The following SESN1 variants were observed in gnomAD, a reference collection of about 807,000 sequenced individuals.
SESN1 encodes the protein sestrin 1.
In SESN1, 30 loss-of-function variants were observed where a neutral mutation model predicts 59.3. The observed-to-expected ratio is 0.51, with a 90% CI of 0.38 to 0.69. SESN1 has a LOEUF of 0.69. Among genes scored for constraint, SESN1 ranks in the 30% least tolerant of loss-of-function variants. SESN1 has a pLI of 0.00. For missense variants in SESN1, 566 were observed against 673.0 expected, an observed-to-expected ratio of 0.84 and a Z score of 1.76; for synonymous variants, 197 against 219.9, an observed-to-expected ratio of 0.90 and a Z score of 0.92.
At chr6:109,068,663 A>G (rs1430719495) in intron 1 of SESN1, among the ~76,000 whole-genome samples, 4 of 152,254 alleles carry the variant, frequency 2.6e-5, no homozygotes, top group African/African-American at 9.6e-5. Flanking sequence ...TATATTGAAA[A>G]GACCCAAGCA....
Position 109,093,814 on chromosome 6 carries a change from A to C in SESN1, c.260T>G (p.Phe87Cys), listed in dbSNP as rs2114490011. 6.2e-7 allele frequency: 1 copy of C among 1,613,986 alleles called. No individual in the cohort carries two copies. Residue 87 changes from phenylalanine to cysteine, a missense_variant, in exon 1 of 10, where the codon TTT (phenylalanine) becomes TGT (cysteine). Transcript: ENST00000436639. ...PFKDVREKSE[F>C]ILKSIQELGI... ...CCTTACCTGGATGCTCTTCAGAATA[A>C]ACTCACTTTTCTCTCTCACATCTTT...
chr6:109,075,773 G>C (rs1781021832), intron 1 of SESN1, among the ~76,000 whole-genome samples: 1 of 152,154 alleles, frequency 6.6e-6, no homozygotes, highest in African/African-American at 2.4e-5. Flanking sequence ...TGAAATAATA[G>C]TTGTGTGTTG....
At chr6:109,075,181 C>T (rs1781012452) in intron 1 of SESN1, among the ~76,000 whole-genome samples, 1 of 152,182 alleles carries the variant, frequency 6.6e-6, no homozygotes, top group Admixed American at 6.5e-5. Flanking sequence ...TAAGCATATA[C>T]CCTAAATCAC....
At chr6:109,037,619 T>C (rs1048044050) in intron 1 of SESN1, among the ~76,000 whole-genome samples, 5 of 152,204 alleles carry the variant, frequency 3.3e-5, no homozygotes, top group African/African-American at 1.2e-4. Flanking sequence ...TTTAATTCTA[T>C]AGATGAAGAA....
At chr6:109,035,705 A>T (rs1055580129) in intron 1 of SESN1, among the ~76,000 whole-genome samples, 1 of 152,090 alleles carries the variant, frequency 6.6e-6, no homozygotes, top group African/African-American at 2.4e-5. Context: ...GGCTTAAGTG[A>T]TCCTCCCACC....
At chr6:109,078,363 T>C (rs1385736885) in intron 1 of SESN1, among the ~76,000 whole-genome samples, 2 of 152,050 alleles carry the variant, frequency 1.3e-5, no homozygotes, top group South Asian at 2.1e-4. Context: ...GCCTGGGTGA[T>C]GGAGTAAGAC....
chr6:109,013,834 C>T (rs1241677509), intron 1 of SESN1, among the ~76,000 whole-genome samples: 1 of 152,174 alleles, frequency 6.6e-6, no homozygotes, highest in Non-Finnish European at 1.5e-5. Context: ...GTTTATAAGA[C>T]TACTTCTGCT....
At chr6:109,051,702 T>C (rs1038820191) in intron 1 of SESN1, among the ~76,000 whole-genome samples, 1 of 152,226 alleles carries the variant, frequency 6.6e-6, no homozygotes, top group Non-Finnish European at 1.5e-5. Flanking sequence ...ACAGAATACC[T>C]GAGACTGGGT....
At position 108,984,917 on chromosome 6, in the gene SESN1, A is replaced by G. The variant is rs190763999; in HGVS notation, c.*2627T>C. Among the ~76,000 whole-genome samples the G allele has an allele frequency of 9.2e-5, 14 of 152,222 alleles. No individual in the cohort carries two copies. The East Asian group carries it at 2.5e-3, about 27-fold the overall frequency. ...TGCTGCAGTTTCCCAATTGGTTTCT[A>G]GAGTTCTCACAAAGATATTCTGGCC... is the stretch of plus-strand genomic sequence containing the variant. On this transcript the variant is annotated 3_prime_UTR_variant, in exon 10 of 10. Coordinates refer to ENST00000436639, the MANE Select transcript of SESN1 (RefSeq NM_014454.3).
intron 1 of SESN1, among the ~76,000 whole-genome samples, chr6:109,087,819 G>A (rs961955201): frequency 6.6e-6 from 1 of 152,042 alleles, no homozygotes; most frequent in African/African-American, 2.4e-5. Context: ...AATCTAATCG[G>A]ATCCAAATTA....
At position 108,994,558 on chromosome 6, in the gene SESN1, A is replaced by T. The variant is rs75780557; in HGVS notation, c.1024T>A (p.Leu342Ile). ...TCTTCTTCATCTCGACATTCCTGTA[A>T]CTGCCTCATCTTTTCCATGAGGGCT... ...VEALMEKMRQ[L>I]QECRDEEEAS... The change falls in exon 6 of 10, where the codon TTA (leucine) becomes ATA (isoleucine). Residue 342 changes from leucine (L) to isoleucine (I), a missense_variant. Physicochemically the swap from Leu to Ile is conservative, Grantham distance 5. Coordinates refer to ENST00000436639, the MANE Select transcript of SESN1 (RefSeq NM_014454.3). 5 of 1,613,620 alleles carry T rather than the reference A, an allele frequency of 3.1e-6. No individual in the cohort carries two copies. The highest frequency in any genetic ancestry group is 4.2e-6 in the Non-Finnish European group (5 of 1,179,834).
intron 2 of SESN1, among the ~76,000 whole-genome samples, chr6:109,001,978 GT>G (rs2114309772): frequency 6.6e-6 from 1 of 152,262 alleles, no homozygotes; most frequent in African/African-American, 2.4e-5. Flanking sequence ...AGTAACTCAG[GT>G]TATGGGCACA....
rs1781411440 is a variant in SESN1, at chr6:109,094,036, A to G, written c.38T>C (p.Leu13Pro). 1 of 1,614,100 alleles carries G rather than the reference A, an allele frequency of 6.2e-7. No homozygotes were observed. The highest frequency in any genetic ancestry group is 8.5e-7 in the Non-Finnish European group (1 of 1,179,974). The change falls in exon 1 of 10, where the codon CTC (leucine) becomes CCC (proline). Residue 13 changes from leucine to proline, a missense_variant. Physicochemically the swap from Leu to Pro is moderately conservative, Grantham distance 98 (BLOSUM62 -3). Coordinates refer to ENST00000436639, the MANE Select transcript of SESN1 (RefSeq NM_014454.3). ...CCTAGTAGTTGAATCTCTGCTGCAG[A>G]GTCCATCCCATCTCACTTCATTCTC... ...EGENEVRWDGLCSRDSTTRET... is the reference protein window; with the variant it reads ...EGENEVRWDGPCSRDSTTRET...
chr6:109,092,717 T>A (rs1325647644), intron 1 of SESN1, among the ~76,000 whole-genome samples: 1 of 152,188 alleles, frequency 6.6e-6, no homozygotes, highest in East Asian at 1.9e-4. Flanking sequence ...GAGAAATAAC[T>A]TTTTGTGTTT....
intron 1 of SESN1, among the ~76,000 whole-genome samples, chr6:109,018,579 T>A (rs1398014616): frequency 6.6e-6 from 1 of 152,212 alleles, no homozygotes; most frequent in Non-Finnish European, 1.5e-5. Context: ...AGGAACAGAT[T>A]GCACATCCCA....
Position 108,987,601 on chromosome 6 carries a change from A to G in SESN1, c.1599T>C (p.Ala533=). 1 of 1,601,948 alleles carries G rather than the reference A, an allele frequency of 6.2e-7. No homozygotes were observed. The highest frequency in any genetic ancestry group is 1.3e-5 in the African/African-American group (1 of 74,778). ...KVHVNLLLIE[A]RMQAELLYAL... ...CATAAAGGAGTTCTGCTTGCATCCT[A>G]GCTTCTATAAGAAGCAGATTAACAT... Residue 533 remains alanine, a synonymous_variant, in exon 10 of 10, where the codon GCT becomes GCC. Transcript: ENST00000436639.
chr6:109,064,567 G>A (rs1181236662), intron 1 of SESN1, among the ~76,000 whole-genome samples: 1 of 94,124 alleles, frequency 1.1e-5, no homozygotes, highest in African/African-American at 4.2e-5. Flanking sequence ...AGAGAAGAGA[G>A]GAGGGGAGAG....
chr6:108,987,499 ATATCT>A lies in SESN1; in HGVS notation c.*40_*44del. 9.2e-7 allele frequency: 1 copy of A among 1,086,578 alleles called. No homozygotes were observed. The highest frequency in any genetic ancestry group is 1.4e-6 in the Non-Finnish European group (1 of 707,876). The allele number at this position is 1,086,578 out of a possible 1,614,324, so 67.3% of individuals were successfully genotyped here. ...CTTAGTACCTTCCCCCTTGTAGACT[ATATCT>A]GCTGATCATTCCAGAATCATCTTTA... is the stretch of plus-strand genomic sequence containing the variant. On this transcript the variant is annotated 3_prime_UTR_variant, in exon 10 of 10. Coordinates refer to ENST00000436639, the MANE Select transcript of SESN1 (RefSeq NM_014454.3).
intron 1 of SESN1, among the ~76,000 whole-genome samples, chr6:109,068,291 AT>A (rs1469422520): frequency 6.6e-6 from 1 of 152,242 alleles, no homozygotes; most frequent in African/African-American, 2.4e-5. Context: ...CTAATTAAAA[AT>A]TTAATTGATA....
Sources: gnomAD v4.1 joint callset for allele counts (sites outside exome capture counted in the v4.1 genomes callset) on GRCh38, gnomAD v4.1.1 for gene constraint, MANE v1.5 for transcripts, NCBI Gene and HGNC (gene_info 2026-07-23, HGNC 2026-07-21) for gene names.